CAND1: variants seen among roughly 807,000 people sequenced by gnomAD.
The protein encoded by CAND1 is cullin associated and neddylation dissociated 1.
In CAND1, 7 loss-of-function variants were observed where a neutral mutation model predicts 108.5. The ratio of observed to expected loss-of-function variants is 0.06; its 90% CI spans 0.04 to 0.12. The LOEUF (loss-of-function observed/expected upper bound fraction) is 0.12. CAND1 is among the 10% of genes least tolerant of loss of function. The pLI, the probability that CAND1 is intolerant of heterozygous loss-of-function variation, is 1.00. For synonymous variants in CAND1, 534 were observed against 512.0 expected (o/e 1.04, Z -0.58); for missense variants, 941 against 1,448.7 (o/e 0.65, Z 5.69).
At chr12:67,285,871 A>G (rs2044665633) in intron 2 of CAND1, among the ~76,000 whole-genome samples, 1 of 152,160 alleles carries the variant, frequency 6.6e-6, no homozygotes, top group East Asian at 1.9e-4. Flanking sequence ...ATGCCTTTTT[A>G]TTAATGATTA....
At chr12:67,269,813 A>G (rs756173526) in intron 1 of CAND1, 28 bp downstream of exon 1, 1 of 1,580,784 alleles carries the variant, frequency 6.3e-7, no homozygotes. Context: ...CCCTCACCCC[A>G]CCTCGGGGTT....
At position 67,297,677 on chromosome 12, in the gene CAND1, A is replaced by C. The variant is rs770156053; in HGVS notation, c.748+14A>C. On this transcript the variant is annotated intron_variant, in intron 5 of 14. Coordinates refer to ENST00000545606, the MANE Select transcript of CAND1 (RefSeq NM_018448.5). ...GTCATAGAATAGGTAAGAAATCTTT[A>C]AAAGTTTTACAGTTTTCTTTAATTA... 6.2e-7 allele frequency: 1 copy of C among 1,601,170 alleles called. No individual in the cohort carries two copies. Among genetic ancestry groups the C allele is most frequent in the South Asian group, 1.1e-5 (1 of 88,640 alleles).
At chr12:67,282,170 G>T (rs978194076) in intron 2 of CAND1, 117 bp downstream of exon 2, 2 of 1,089,892 alleles carry the variant, frequency 1.8e-6, no homozygotes, top group Non-Finnish European at 1.4e-6. Context: ...TAGTGTGTGT[G>T]TGTAGAATTT....
chr12:67,292,228 C>T (rs1033205920), intron 2 of CAND1, among the ~76,000 whole-genome samples: 3 of 150,556 alleles, frequency 2.0e-5, no homozygotes, highest in Non-Finnish European at 3.0e-5. Flanking sequence ...GTCCTAGTTA[C>T]TCAGGAGGCT....
At chr12:67,300,567 C>A (rs2044815144) in intron 7 of CAND1, among the ~76,000 whole-genome samples, 1 of 152,050 alleles carries the variant, frequency 6.6e-6, no homozygotes, top group Non-Finnish European at 1.5e-5. Flanking sequence ...TACCTGATTC[C>A]TTTTTCACAC....
chr12:67,285,952 G>A (rs965662965), intron 2 of CAND1, among the ~76,000 whole-genome samples: 6 of 152,146 alleles, frequency 3.9e-5, no homozygotes, highest in African/African-American at 1.4e-4. Context: ...TAAATATACA[G>A]TGAACGTTTC....
At chr12:67,287,925 C>G (rs1467704100) in intron 2 of CAND1, among the ~76,000 whole-genome samples, 15 of 100,852 alleles carry the variant, frequency 1.5e-4, no homozygotes, top group Non-Finnish European at 3.1e-4. Flanking sequence ...TGGAGGTTAT[C>G]TATTTTTTTA....
chr12:67,317,473 A>ATTTTTTTTTTTTTTTTTT lies in CAND1; in HGVS notation c.*4649_*4666dup. On this transcript the variant is annotated 3_prime_UTR_variant, in exon 15 of 15. Coordinates refer to ENST00000545606, the MANE Select transcript of CAND1 (RefSeq NM_018448.5). ...CTTTTTTCTTTTTTTTTCTTTCTTA[A>ATTTTTTTTTTTTTTTTTT]TTTTTTTTTTTTTTTTTTTTTTTGA... The ATTTTTTTTTTTTTTTTTT allele has an allele frequency of 1.1e-5, 1 of 88,208 alleles. No homozygotes were observed. The highest frequency in any genetic ancestry group is 2.1e-5 in the Non-Finnish European group (1 of 47,090). The allele number at this position is 88,208 out of a possible 1,614,324, so 5.5% of individuals were successfully genotyped here.
chr12:67,300,300 T>A (rs2044812243), intron 7 of CAND1, among the ~76,000 whole-genome samples: 1 of 152,162 alleles, frequency 6.6e-6, no homozygotes, highest in Non-Finnish European at 1.5e-5. Context: ...TACTGTTGAT[T>A]TTTTTGTTGA....
chr12:67,277,760 A>G (rs1482149673), intron 1 of CAND1, among the ~76,000 whole-genome samples: 4 of 152,224 alleles, frequency 2.6e-5, no homozygotes, highest in Non-Finnish European at 5.9e-5. Flanking sequence ...TGAGTAGGTG[A>G]ATTTGCAAAT....
rs531948017 is a variant in CAND1 at position 67,299,609 on chromosome 12, A to G, written c.1000+514A>G. On this transcript the variant is annotated intron_variant, in intron 7 of 14. Coordinates refer to ENST00000545606, the MANE Select transcript of CAND1 (RefSeq NM_018448.5). ...TTAGTTTGTTTATTCATAGTTCATG[A>G]AAAATTCTAAATACTGTTCGAGGCC... 1.3e-4 allele frequency among the ~76,000 whole-genome samples: 20 copies of G among 152,276 alleles called. No individual in the cohort carries two copies. The South Asian group carries it at 3.9e-3, about 30-fold the overall frequency.
intron 2 of CAND1, among the ~76,000 whole-genome samples, chr12:67,285,991 C>G (rs991753208): frequency 1.3e-5 from 2 of 151,894 alleles, no homozygotes; most frequent in East Asian, 1.9e-4. Context: ...GGACATGTGT[C>G]TTTGTTTTAT....
At chr12:67,310,731 T>C (rs2044940268) in intron 13 of CAND1, 1 of 154,346 alleles carries the variant, frequency 6.5e-6, no homozygotes, top group South Asian at 2.0e-4. Context: ...TGAGCTACCT[T>C]TGGGGCTAGT....
At chr12:67,273,712 G>C (rs573484063) in intron 1 of CAND1, among the ~76,000 whole-genome samples, 1 of 151,620 alleles carries the variant, frequency 6.6e-6, no homozygotes, top group African/African-American at 2.4e-5. Flanking sequence ...CTTGATTTCC[G>C]GCAATCTGCC....
chr12:67,284,964 T>A (rs2044656658), intron 2 of CAND1, among the ~76,000 whole-genome samples: 1 of 152,132 alleles, frequency 6.6e-6, no homozygotes, highest in African/African-American at 2.4e-5. Context: ...AAAGTTTATG[T>A]GGGAGAAACA....
At chr12:67,291,091 C>T (rs920100593) in intron 2 of CAND1, among the ~76,000 whole-genome samples, 3 of 152,164 alleles carry the variant, frequency 2.0e-5, no homozygotes, top group African/African-American at 7.2e-5. Context: ...GAACTGCTGT[C>T]TTAATGAGAT....
At chr12:67,294,843 A>G (rs777984805) in intron 3 of CAND1, 190 bp from the exon 4 acceptor site, 2 of 402,534 alleles carry the variant, frequency 5.0e-6, no homozygotes, top group Non-Finnish European at 8.8e-6. Context: ...TATTTGGTCT[A>G]ATTCTTGTTT....
intron 14 of CAND1, 127 bp downstream of exon 14, chr12:67,311,927 A>G: frequency 1.7e-6 from 1 of 597,532 alleles, no homozygotes; most frequent in Non-Finnish European, 3.1e-6. Context: ...TAAAAAGTTA[A>G]CCTATCGAAT....
intron 11 of CAND1, 66 bp downstream of exon 11, chr12:67,307,558 T>G (rs2136019309): frequency 1.1e-6 from 1 of 948,150 alleles, no homozygotes; most frequent in South Asian, 1.5e-5. Flanking sequence ...ACTCTTGAAC[T>G]TAGTAACTAG....
Sources: allele counts gnomAD v4.1 joint callset (sites outside exome capture counted in the v4.1 genomes callset), GRCh38; gene constraint gnomAD v4.1.1; transcripts MANE v1.5; gene names NCBI Gene and HGNC (gene_info 2026-07-23, HGNC 2026-07-21).